DLG2: variants seen among roughly 807,000 people sequenced by gnomAD.
DLG2 encodes disks large homolog 2.
Under a neutral mutation model 132.5 loss-of-function variants are expected in DLG2, and 45 were observed. The ratio of observed to expected loss-of-function variants is 0.34; its 90% CI spans 0.27 to 0.44. The LOEUF is 0.44. Ranked by LOEUF, DLG2 falls within the 20% of genes least tolerant of loss-of-function variation. The probability of loss-of-function intolerance (pLI) is 1.00; values close to 1 mark genes in which losing one functional copy is unlikely to be tolerated. For synonymous variants in DLG2, 424 were observed against 419.6 expected (o/e 1.01, Z -0.13); for missense variants, 1,045 against 1,196.9 (o/e 0.87, Z 1.87).
chr11:85,552,744 TA>T (rs1036279683), intron 3 of DLG2, among the ~76,000 whole-genome samples: 1 of 150,752 alleles, frequency 6.6e-6, no homozygotes, highest in Non-Finnish European at 1.5e-5. Flanking sequence ...TCCAATACAA[TA>T]AAAAAATAGA....
intron 18 of DLG2, chr11:83,652,124 A>C: frequency 3.5e-6 from 1 of 283,002 alleles, no homozygotes; most frequent in Non-Finnish European, 7.1e-6. Flanking sequence ...TTTGTAAGTG[A>C]TGTTATTTTG....
At chr11:83,623,493 A>T (rs2061975554) in intron 19 of DLG2, among the ~76,000 whole-genome samples, 1 of 152,204 alleles carries the variant, frequency 6.6e-6, no homozygotes, top group South Asian at 2.1e-4. Context: ...TCCATCTTCG[A>T]GATACTCACA....
intron 9 of DLG2, among the ~76,000 whole-genome samples, chr11:84,115,315 A>C (rs1256548968): frequency 2.0e-5 from 3 of 151,406 alleles, no homozygotes; most frequent in African/African-American, 7.2e-5. Flanking sequence ...CAGGAAAAAG[A>C]AATATTTTCT....
At chr11:85,478,514 C>T (rs553241650) in intron 3 of DLG2, among the ~76,000 whole-genome samples, 1 of 152,132 alleles carries the variant, frequency 6.6e-6, no homozygotes, top group Non-Finnish European at 1.5e-5. Context: ...ATTATCTTTG[C>T]TTTATCTACA....
At chr11:83,937,959 A>G (rs895257364) in intron 14 of DLG2, among the ~76,000 whole-genome samples, 2 of 152,142 alleles carry the variant, frequency 1.3e-5, no homozygotes, top group African/African-American at 4.8e-5. Flanking sequence ...CAGCAATTCT[A>G]CTCTAGTGTG....
intron 8 of DLG2, among the ~76,000 whole-genome samples, chr11:84,240,420 A>G (rs2097211334): frequency 6.6e-6 from 1 of 152,168 alleles, no homozygotes; most frequent in Non-Finnish European, 1.5e-5. Flanking sequence ...GGTAGTTTTT[A>G]TTGTCTCTCC....
chr11:83,850,901 G>A lies in DLG2; in HGVS notation c.1566-17131C>T, dbSNP rs1021568338. Among the ~76,000 whole-genome samples, 23 of 152,100 alleles carry A rather than the reference G, an allele frequency of 1.5e-4. 1 individual carries two copies. The highest frequency in any genetic ancestry group is 3.4e-4 in the Non-Finnish European group (23 of 68,020). On this transcript the variant is annotated intron_variant, in intron 16 of 27. Coordinates refer to ENST00000376104, the MANE Select transcript of DLG2 (RefSeq NM_001142699.3). ...AACCCTAAAGAAATTTTGAGGCCGG[G>A]CGCGGTGGCTCACACCTGTAATCCC... is the stretch of plus-strand genomic sequence containing the variant.
intron 17 of DLG2, among the ~76,000 whole-genome samples, chr11:83,793,715 A>G (rs2042125011): frequency 6.6e-6 from 1 of 152,082 alleles, no homozygotes; most frequent in South Asian, 2.1e-4. Context: ...AAATGAGTAT[A>G]CCTACCTACC....
At chr11:85,324,098 T>A (rs1333044714) in intron 3 of DLG2, among the ~76,000 whole-genome samples, 1 of 152,086 alleles carries the variant, frequency 6.6e-6, no homozygotes, top group Non-Finnish European at 1.5e-5. Context: ...ACATCGTCCT[T>A]GCTTGGGGTA....
At chr11:84,807,274 C>T (rs568906308) in intron 6 of DLG2, among the ~76,000 whole-genome samples, 16 of 152,066 alleles carry the variant, frequency 1.1e-4, no homozygotes, top group South Asian at 2.1e-4. Context: ...GGTGAAACCT[C>T]GTCTCTACCA....
At chr11:85,067,027 G>C (rs535154325) in intron 6 of DLG2, among the ~76,000 whole-genome samples, 121 of 151,786 alleles carry the variant, frequency 8.0e-4, no homozygotes, top group African/African-American at 2.9e-3. Context: ...ATATCTAGAA[G>C]ACAATCCCAT....
At chr11:83,658,151 T>C (rs1306403599) in intron 18 of DLG2, among the ~76,000 whole-genome samples, 1 of 152,262 alleles carries the variant, frequency 6.6e-6, no homozygotes, top group Non-Finnish European at 1.5e-5. Flanking sequence ...AGCCTCATAA[T>C]GTTCCCTGAT....
At chr11:84,375,102 G>A (rs2098723613) in intron 7 of DLG2, among the ~76,000 whole-genome samples, 2 of 152,028 alleles carry the variant, frequency 1.3e-5, no homozygotes, top group South Asian at 2.1e-4. Context: ...TCCAAAGCAA[G>A]AATACCCATT....
At chr11:84,267,406 C>T (rs571900749) in intron 7 of DLG2, among the ~76,000 whole-genome samples, 2 of 152,250 alleles carry the variant, frequency 1.3e-5, no homozygotes, top group South Asian at 4.1e-4. Flanking sequence ...CTTTGAAGAC[C>T]ACTGTCCTCA....
At chr11:84,954,623 G>A (rs894791844) in intron 6 of DLG2, among the ~76,000 whole-genome samples, 9 of 152,094 alleles carry the variant, frequency 5.9e-5, no homozygotes, top group African/African-American at 1.7e-4. Flanking sequence ...ACAAATGGCC[G>A]CAATCCCATC....
Position 83,833,712 on chromosome 11 carries a change from C to T in DLG2, c.1624G>A (p.Gly542Ser), listed in dbSNP as rs761603404. Residue 542 changes from glycine (G) to serine (S), a missense_variant, in exon 17 of 28, where the codon GGT (glycine) becomes AGT (serine). Gly to Ser is a moderately conservative substitution (Grantham distance 56). Transcript: ENST00000376104. Reference protein sequence around the residue: ...GSTGLGFNIVGGEDGEGIFVS... With the variant: ...GSTGLGFNIVSGEDGEGIFVS... ...AAAATACCTTCTCCATCTTCCCCAC[C>T]GACAATGTTGAAGCCCAGGCCAGTG... The T allele has an allele frequency of 5.6e-6, 9 of 1,614,062 alleles. No individual in the cohort carries two copies. Among genetic ancestry groups the T allele is most frequent in the South Asian group, 3.3e-5 (3 of 91,074 alleles).
At chr11:83,617,135 A>G (rs1397241012) in intron 19 of DLG2, among the ~76,000 whole-genome samples, 1 of 152,162 alleles carries the variant, frequency 6.6e-6, no homozygotes, top group Admixed American at 6.5e-5. Flanking sequence ...ATATTTCCAT[A>G]TTAATATTAG....
At chr11:85,406,738 G>A (rs1405655017) in intron 3 of DLG2, among the ~76,000 whole-genome samples, 1 of 151,922 alleles carries the variant, frequency 6.6e-6, no homozygotes, top group Admixed American at 6.6e-5. Context: ...ACCAGAAACA[G>A]AGTAAGTTAA....
chr11:83,638,168 A>G (rs1352446811), intron 18 of DLG2, among the ~76,000 whole-genome samples: 1 of 152,128 alleles, frequency 6.6e-6, no homozygotes, highest in Non-Finnish European at 1.5e-5. Context: ...ACCTCTATAT[A>G]TGATAACCCA....
Sources: allele counts gnomAD v4.1 joint callset (sites outside exome capture counted in the v4.1 genomes callset), GRCh38; gene constraint gnomAD v4.1.1; transcripts MANE v1.5; gene names NCBI Gene and HGNC (gene_info 2026-07-23, HGNC 2026-07-21).